The following NKAIN3 variants were observed in gnomAD, a reference collection of about 807,000 sequenced individuals.
NKAIN3 encodes sodium/potassium-transporting ATPase subunit beta-1-interacting protein 3.
Under a neutral mutation model 30.2 loss-of-function variants are expected in NKAIN3, and 25 were observed. That is an observed-to-expected ratio of 0.83 (90% CI 0.60 to 1.16). NKAIN3 has a LOEUF of 1.16. Among genes scored for constraint, NKAIN3 ranks in the 50% most tolerant of loss-of-function variants. The pLI, the probability that NKAIN3 is intolerant of heterozygous loss-of-function variation, is 0.00. For missense variants in NKAIN3, 225 were observed against 254.1 expected, an observed-to-expected ratio of 0.89 and a Z score of 0.78; for synonymous variants, 91 against 89.6, an observed-to-expected ratio of 1.02 and a Z score of -0.09.
intron 4 of NKAIN3, among the ~76,000 whole-genome samples, chr8:62,900,341 GA>G (rs1479100407): frequency 6.6e-6 from 1 of 152,186 alleles, no homozygotes; most frequent in Non-Finnish European, 1.5e-5. Context: ...TTAATTCTAA[GA>G]AAGGATTACT....
chr8:62,560,184 A>T (rs1279586645), intron 1 of NKAIN3, among the ~76,000 whole-genome samples: 1 of 152,120 alleles, frequency 6.6e-6, no homozygotes, highest in African/African-American at 2.4e-5. Flanking sequence ...GGCTGCTATC[A>T]ATATAAATTT....
chr8:62,653,535 T>C (rs1812685400), intron 3 of NKAIN3, among the ~76,000 whole-genome samples: 2 of 152,138 alleles, frequency 1.3e-5, no homozygotes, highest in Admixed American at 1.3e-4. Flanking sequence ...ATCCAGCTCT[T>C]CACTTCAAAG....
chr8:62,927,916 A>C (rs1385255073), intron 5 of NKAIN3, among the ~76,000 whole-genome samples: 3 of 152,226 alleles, frequency 2.0e-5, no homozygotes, highest in African/African-American at 7.2e-5. Context: ...TAATATTTTT[A>C]AGAGCTATAG....
At chr8:62,709,469 AT>A (rs1206500625) in intron 3 of NKAIN3, among the ~76,000 whole-genome samples, 2 of 152,154 alleles carry the variant, frequency 1.3e-5, no homozygotes, top group Admixed American at 6.5e-5. Context: ...TTTTCCAGGA[AT>A]TTATCCATCT....
chr8:62,250,889 C>T (rs1477466316), intron 1 of NKAIN3, among the ~76,000 whole-genome samples: 2 of 152,104 alleles, frequency 1.3e-5, no homozygotes, highest in Non-Finnish European at 1.5e-5. Context: ...TCTCATAGCA[C>T]TTCGCTTTTT....
chr8:62,639,276 A>C (rs1812230659), intron 3 of NKAIN3, among the ~76,000 whole-genome samples: 1 of 152,158 alleles, frequency 6.6e-6, no homozygotes, highest in African/African-American at 2.4e-5. Context: ...CAAGAGAAGA[A>C]AGTAATTCCA....
chr8:62,409,184 C>CT (rs1301730208), intron 1 of NKAIN3, among the ~76,000 whole-genome samples: 2 of 151,766 alleles, frequency 1.3e-5, no homozygotes, highest in Non-Finnish European at 2.9e-5. Flanking sequence ...TTTATATTAA[C>CT]TTTTTTTTGT....
chr8:62,863,693 G>A (rs2130791113), intron 4 of NKAIN3: 1 of 1,453,630 alleles, frequency 6.9e-7, no homozygotes, highest in Non-Finnish European at 9.7e-7. Context: ...ATCCAAGGCT[G>A]TGTCTGTATC....
intron 5 of NKAIN3, among the ~76,000 whole-genome samples, chr8:62,933,541 C>A (rs1388570602): frequency 6.6e-6 from 1 of 152,170 alleles, no homozygotes; most frequent in Non-Finnish European, 1.5e-5. Flanking sequence ...AAGCCTCTTA[C>A]CTTTTGGACC....
chr8:62,490,211 T>G (rs545683114), intron 1 of NKAIN3, among the ~76,000 whole-genome samples: 25 of 152,070 alleles, frequency 1.6e-4, no homozygotes, highest in Admixed American at 3.9e-4. Context: ...GACTTTAATG[T>G]GGCCAAGCCT....
In NKAIN3 at chr8:62,777,109, C is replaced by T. The variant is rs149378545; in HGVS notation, c.471+29980C>T. Reference sequence around the variant, plus strand: ...ATTTCATGTTATTTGTTTTCTTTTGCTGCTTTTAGAAACTTTCTTTATCCT... The same window carrying T: ...ATTTCATGTTATTTGTTTTCTTTTGTTGCTTTTAGAAACTTTCTTTATCCT... On this transcript the variant is annotated intron_variant, in intron 4 of 6. Coordinates refer to ENST00000623646, the MANE Select transcript of NKAIN3 (RefSeq NM_001304533.3). 3.1e-3 allele frequency among the ~76,000 whole-genome samples: 477 copies of T among 152,252 alleles called. 1 individual carries two copies. The highest frequency in any genetic ancestry group is 0.01 in the African/African-American group (419 of 41,546).
chr8:62,399,447 G>A (rs13252687), intron 1 of NKAIN3, among the ~76,000 whole-genome samples: 63,547 of 151,916 alleles, frequency 0.42, 15,530 homozygotes, highest in Non-Finnish European at 0.54. Context: ...TGGAGGTTGC[G>A]TGAGCCAAGA....
At chr8:62,698,052 A>G (rs1178833161) in intron 3 of NKAIN3, among the ~76,000 whole-genome samples, 1 of 151,930 alleles carries the variant, frequency 6.6e-6, no homozygotes, top group African/African-American at 2.4e-5. Flanking sequence ...GAGAAAACAT[A>G]ATGTAATAAA....
chr8:62,655,507 G>A lies in NKAIN3; in HGVS notation c.273+65713G>A, dbSNP rs200047451. The stretch of plus-strand genomic sequence containing the variant: ...TTCTGAATTTTAAATAGTCACTATA[G>A]GGATGAACAAAGGGAAGGACAATAT... On this transcript the variant is annotated intron_variant, in intron 3 of 6. Transcript: ENST00000623646. 7.2e-5 allele frequency among the ~76,000 whole-genome samples: 11 copies of A among 152,178 alleles called. No individual in the cohort carries two copies. In the East Asian group the frequency reaches 1.9e-3, roughly 27 times the overall value.
At chr8:62,659,458 A>C (rs1812871543) in intron 3 of NKAIN3, among the ~76,000 whole-genome samples, 1 of 152,224 alleles carries the variant, frequency 6.6e-6, no homozygotes, top group Non-Finnish European at 1.5e-5. Flanking sequence ...CATACATTAA[A>C]CTTTATTTTT....
chr8:62,743,370 G>A (rs115249150), intron 3 of NKAIN3, among the ~76,000 whole-genome samples: 2,484 of 152,248 alleles, frequency 0.016, 65 homozygotes, highest in African/African-American at 0.058. Flanking sequence ...TACAGTGTAG[G>A]TGTGGAAAGG....
intron 4 of NKAIN3, among the ~76,000 whole-genome samples, chr8:62,870,795 C>T (rs1441052386): frequency 1.3e-5 from 2 of 148,260 alleles, no homozygotes; most frequent in Non-Finnish European, 3.0e-5. Context: ...TGTATTGGGT[C>T]TGTCCCTCTG....
chr8:62,773,755 C>T (rs186658253), intron 4 of NKAIN3, among the ~76,000 whole-genome samples: 141 of 152,256 alleles, frequency 9.3e-4, no homozygotes, highest in African/African-American at 3.3e-3. Context: ...TCACCTTCCA[C>T]CATGATTGTG....
At chr8:62,533,044 C>T (rs544048309) in intron 1 of NKAIN3, among the ~76,000 whole-genome samples, 1 of 152,314 alleles carries the variant, frequency 6.6e-6, no homozygotes, top group African/African-American at 2.4e-5. Flanking sequence ...AATGCTCTGA[C>T]ATTCTAGTGG....
Sources: gnomAD v4.1 joint callset for allele counts (sites outside exome capture counted in the v4.1 genomes callset) on GRCh38, gnomAD v4.1.1 for gene constraint, MANE v1.5 for transcripts, NCBI Gene and HGNC (gene_info 2026-07-23, HGNC 2026-07-21) for gene names.